Variants in C8orf34 observed in about 807,000 individuals in gnomAD.
C8orf34 encodes the protein uncharacterized protein C8orf34.
Under a neutral mutation model 68.3 loss-of-function variants are expected in C8orf34, and 65 were observed. The observed-to-expected ratio is 0.95, with a 90% CI of 0.78 to 1.17. The LOEUF (loss-of-function observed/expected upper bound fraction) is 1.17, where lower values mean the gene tolerates loss of function less well. C8orf34 is among the 50% of genes most tolerant of loss of function. The pLI, the probability that C8orf34 is intolerant of heterozygous loss-of-function variation, is 0.00. For synonymous variants in C8orf34, 244 were observed against 241.2 expected, an observed-to-expected ratio of 1.01 and a Z score of -0.11; for missense variants, 664 against 655.4, an observed-to-expected ratio of 1.01 and a Z score of -0.14.
chr8:68,380,049 A>G (rs989933156), intron 1 of C8orf34, among the ~76,000 whole-genome samples: 1 of 152,066 alleles, frequency 6.6e-6, no homozygotes, highest in African/African-American at 2.4e-5. Context: ...TTTTGTAGAG[A>G]TAGGATCTCC....
rs116688938 is a variant in C8orf34, at chr8:68,705,591, G to C, written c.1242-3403G>C. ...AGAGGCAGAAACCAAATTAAAACAG[G>C]TTGAGGAGTAGGAGTGAATAAAAAC... On this transcript the variant is annotated intron_variant, in intron 8 of 13. Transcript: ENST00000518698. Among the ~76,000 whole-genome samples, 439 of 152,270 alleles carry C rather than the reference G, an allele frequency of 2.9e-3. 2 individuals are homozygous for C. Among genetic ancestry groups the C allele is most frequent in the African/African-American group, 1.0e-2 (414 of 41,554 alleles).
chr8:68,699,788 C>T (rs1820935358), intron 8 of C8orf34, among the ~76,000 whole-genome samples: 2 of 152,072 alleles, frequency 1.3e-5, no homozygotes, highest in East Asian at 3.9e-4. Context: ...GATAAGACAG[C>T]ACCTATGCCA....
intron 7 of C8orf34, chr8:68,534,000 G>A (rs938263729): frequency 6.9e-5 from 64 of 931,442 alleles, no homozygotes; most frequent in South Asian, 5.0e-4. Flanking sequence ...CCTTAAACAC[G>A]TTTTACATAT....
At chr8:68,694,851 T>C (rs7846682) in intron 8 of C8orf34, among the ~76,000 whole-genome samples, 1 of 152,084 alleles carries the variant, frequency 6.6e-6, no homozygotes, top group African/African-American at 2.4e-5. Context: ...GCCTAAATGG[T>C]GAGCATAAGC....
intron 10 of C8orf34, among the ~76,000 whole-genome samples, chr8:68,723,830 C>T (rs1248010454): frequency 1.3e-5 from 2 of 152,084 alleles, no homozygotes; most frequent in African/African-American, 2.4e-5. Flanking sequence ...CTTTATTTGA[C>T]CGAAGTTTTC....
intron 1 of C8orf34, among the ~76,000 whole-genome samples, chr8:68,405,003 G>C (rs1392937982): frequency 6.6e-6 from 1 of 152,186 alleles, no homozygotes; most frequent in Non-Finnish European, 1.5e-5. Flanking sequence ...CCATGAGCGT[G>C]TAATGTTTTT....
chr8:68,481,519 A>T (rs1812859557), intron 4 of C8orf34, among the ~76,000 whole-genome samples: 1 of 152,156 alleles, frequency 6.6e-6, no homozygotes, highest in Non-Finnish European at 1.5e-5. Flanking sequence ...AGCCACAGAC[A>T]CTCAAAGCCA....
At chr8:68,416,398 A>G (rs1047020371) in intron 1 of C8orf34, among the ~76,000 whole-genome samples, 3 of 152,122 alleles carry the variant, frequency 2.0e-5, no homozygotes, top group Non-Finnish European at 4.4e-5. Flanking sequence ...TAAAAATTCT[A>G]TTTTGTTCTC....
chr8:68,766,596 A>G (rs1823182903), intron 10 of C8orf34, among the ~76,000 whole-genome samples: 1 of 152,204 alleles, frequency 6.6e-6, no homozygotes, highest in African/African-American at 2.4e-5. Context: ...TATGTAACCA[A>G]TAAGGAATAC....
chr8:68,566,945 T>A (rs1246363460), intron 7 of C8orf34, among the ~76,000 whole-genome samples: 1 of 152,210 alleles, frequency 6.6e-6, no homozygotes, highest in Non-Finnish European at 1.5e-5. Context: ...TTGACTTGCG[T>A]ATGTTAAACC....
At chr8:68,499,996 C>T (rs560873645) in intron 5 of C8orf34, among the ~76,000 whole-genome samples, 2 of 152,150 alleles carry the variant, frequency 1.3e-5, no homozygotes, top group South Asian at 4.2e-4. Flanking sequence ...AAAGTATGTG[C>T]GACCATCCTC....
chr8:68,449,640 G>A (rs559788443), intron 3 of C8orf34, among the ~76,000 whole-genome samples: 1 of 152,178 alleles, frequency 6.6e-6, no homozygotes, highest in Admixed American at 6.5e-5. Context: ...CTGTAGTCTA[G>A]TGTGAAACAA....
chr8:68,646,974 C>G (rs887529525), intron 8 of C8orf34, among the ~76,000 whole-genome samples: 2 of 152,128 alleles, frequency 1.3e-5, no homozygotes, highest in Admixed American at 1.3e-4. Context: ...TCTAAAGCTT[C>G]TGCACAGCAA....
chr8:68,773,135 G>A (rs1339589064), intron 10 of C8orf34, among the ~76,000 whole-genome samples: 1 of 152,116 alleles, frequency 6.6e-6, no homozygotes, highest in Non-Finnish European at 1.5e-5. Flanking sequence ...TTTGTGCTTT[G>A]AAGGGGATTT....
intron 1 of C8orf34, among the ~76,000 whole-genome samples, chr8:68,371,522 G>T (rs1344859565): frequency 6.6e-6 from 1 of 151,562 alleles, no homozygotes; most frequent in African/African-American, 2.4e-5. Context: ...TATGACTAGT[G>T]TTGAAGCTTT....
chr8:68,400,623 C>A (rs1428157702), intron 1 of C8orf34, among the ~76,000 whole-genome samples: 1 of 152,102 alleles, frequency 6.6e-6, no homozygotes, highest in Non-Finnish European at 1.5e-5. Flanking sequence ...TGCAATGGTG[C>A]GATCTTAGCT....
At chr8:68,735,837 T>C (rs1822107202) in intron 10 of C8orf34, among the ~76,000 whole-genome samples, 1 of 152,150 alleles carries the variant, frequency 6.6e-6, no homozygotes, top group Non-Finnish European at 1.5e-5. Flanking sequence ...TGACCCAAAT[T>C]TGTAAAACAC....
intron 1 of C8orf34, among the ~76,000 whole-genome samples, chr8:68,426,840 GCCTAGGCAACAA>G: frequency 6.6e-6 from 1 of 151,668 alleles, no homozygotes; most frequent in African/African-American, 2.4e-5. Context: ...TTGCACTCCA[GCCTAGGCAACAA>G]GAGTGAAACT....
At chr8:68,798,824 A>G (rs1342377436) in intron 12 of C8orf34, among the ~76,000 whole-genome samples, 3 of 152,210 alleles carry the variant, frequency 2.0e-5, no homozygotes, top group African/African-American at 4.8e-5. Flanking sequence ...ATTGATTCCT[A>G]AGGCCCTAGA....
Sources: allele counts gnomAD v4.1 joint callset (sites outside exome capture counted in the v4.1 genomes callset), GRCh38; gene constraint gnomAD v4.1.1; transcripts MANE v1.5; gene names NCBI Gene and HGNC (gene_info 2026-07-23, HGNC 2026-07-21).